SMYD3: variants seen among roughly 807,000 people sequenced by gnomAD.
SMYD3 encodes the protein SET and MYND domain containing 3, also known as histone-lysine N-methyltransferase SMYD3.
SMYD3 carries 36 observed loss-of-function variants against 57.7 expected under a neutral mutation model. The observed-to-expected ratio is 0.62, with a 90% CI of 0.48 to 0.82. The LOEUF (loss-of-function observed/expected upper bound fraction) is 0.82, where lower values mean the gene tolerates loss of function less well. Ranked by LOEUF, SMYD3 falls within the 40% of genes least tolerant of loss-of-function variation. The pLI, the probability that SMYD3 is intolerant of heterozygous loss-of-function variation, is 0.00. For missense variants in SMYD3, 515 were observed against 538.8 expected, an observed-to-expected ratio of 0.96 and a Z score of 0.44; for synonymous variants, 211 against 195.0, an observed-to-expected ratio of 1.08 and a Z score of -0.68.
At chr1:245,793,142 T>C (rs964924174) in intron 10 of SMYD3, among the ~76,000 whole-genome samples, 5 of 147,486 alleles carry the variant, frequency 3.4e-5, no homozygotes, top group Non-Finnish European at 7.4e-5. Context: ...ACCCCGTCTC[T>C]ACTAAAAATA....
intron 8 of SMYD3, among the ~76,000 whole-genome samples, chr1:245,869,824 C>T (rs1053674741): frequency 6.6e-6 from 1 of 152,180 alleles, no homozygotes; most frequent in African/African-American, 2.4e-5. Flanking sequence ...GCTGTTTCCT[C>T]GGCTCACCAC....
intron 5 of SMYD3, among the ~76,000 whole-genome samples, chr1:246,218,008 TAAAAAC>T (rs1033829814): frequency 6.6e-6 from 1 of 151,268 alleles, no homozygotes; most frequent in African/African-American, 2.4e-5. Flanking sequence ...GTGTAACAGT[TAAAAAC>T]AGAAAATAAA....
At chr1:245,810,592 T>C (rs1340643008) in intron 10 of SMYD3, among the ~76,000 whole-genome samples, 1 of 152,098 alleles carries the variant, frequency 6.6e-6, no homozygotes, top group Non-Finnish European at 1.5e-5. Flanking sequence ...TGGGGAGTGA[T>C]TCAAGAACTG....
chr1:246,292,096 T>A (rs945702782), intron 5 of SMYD3, among the ~76,000 whole-genome samples: 6 of 151,012 alleles, frequency 4.0e-5, no homozygotes, highest in Non-Finnish European at 5.9e-5. Flanking sequence ...AGACTTACTA[T>A]CCAACACACA....
rs192164147 is a variant in SMYD3, at chr1:246,151,810, C to T, written c.531+175391G>A. ...AGGATTCAGGCGTATGTAGGCCTGTCTGGCATTCTACTAGGCCTGCTTTCC... is the reference window on the plus strand; with the variant it reads ...AGGATTCAGGCGTATGTAGGCCTGTTTGGCATTCTACTAGGCCTGCTTTCC... On this transcript the variant is annotated intron_variant, in intron 5 of 11. Coordinates refer to ENST00000490107, the MANE Select transcript of SMYD3 (RefSeq NM_001167740.2). 9.2e-4 allele frequency among the ~76,000 whole-genome samples: 140 copies of T among 152,336 alleles called. 1 individual carries two copies. Among genetic ancestry groups the T allele is most frequent in the African/African-American group, 3.0e-3 (124 of 41,568 alleles).
At chr1:246,335,314 G>T (rs921390500) in intron 3 of SMYD3, 53 bp downstream of exon 3, 171 of 1,466,596 alleles carry the variant, frequency 1.2e-4, no homozygotes, top group Non-Finnish European at 1.6e-4. Flanking sequence ...AAATGCAATT[G>T]CATATGTTTA....
rs150720133 is a variant in SMYD3 at position 246,100,613 on chromosome 1, C to T, written c.532-170676G>A. On this transcript the variant is annotated intron_variant, in intron 5 of 11. Coordinates refer to ENST00000490107, the MANE Select transcript of SMYD3 (RefSeq NM_001167740.2). Reference sequence around the variant, plus strand: ...TTCCAAGTCCAAGCTTGTCACCATCCTCCCAAGACAGAAGATATTCACCCT... The same window carrying T: ...TTCCAAGTCCAAGCTTGTCACCATCTTCCCAAGACAGAAGATATTCACCCT... Among the ~76,000 whole-genome samples the T allele has an allele frequency of 2.0e-5, 3 of 152,330 alleles. No homozygotes were observed. In the East Asian group the frequency reaches 5.8e-4, roughly 29 times the overall value.
At chr1:246,237,168 C>T (rs1197551545) in intron 5 of SMYD3, among the ~76,000 whole-genome samples, 1 of 152,132 alleles carries the variant, frequency 6.6e-6, no homozygotes, top group East Asian at 1.9e-4. Context: ...ATTTGGCAGA[C>T]AGGTTCTCTG....
chr1:246,190,033 A>G (rs2062706831), intron 5 of SMYD3, among the ~76,000 whole-genome samples: 1 of 152,222 alleles, frequency 6.6e-6, no homozygotes, highest in African/African-American at 2.4e-5. Context: ...CCAGATTATT[A>G]AATTCACCTC....
intron 5 of SMYD3, among the ~76,000 whole-genome samples, chr1:246,105,622 A>G (rs979854994): frequency 1.3e-5 from 2 of 152,234 alleles, no homozygotes; most frequent in Non-Finnish European, 2.9e-5. Context: ...TGTAGAAAGA[A>G]TAACACAGAC....
chr1:246,319,221 C>G (rs1355945570), intron 5 of SMYD3, among the ~76,000 whole-genome samples: 1 of 152,130 alleles, frequency 6.6e-6, no homozygotes, highest in Non-Finnish European at 1.5e-5. Context: ...AGCTGTTTGC[C>G]TGCTTTACTT....
At chr1:246,481,593 C>CATATATATATATATATATATATAT (rs1200097586) in intron 1 of SMYD3, among the ~76,000 whole-genome samples, 922 of 27,762 alleles carry the variant, frequency 0.033, 77 homozygotes, top group African/African-American at 0.05. Flanking sequence ...TCTCAGGCTC[C>CATATATATATATATATATATATAT]ATATATATAT....
intron 5 of SMYD3, among the ~76,000 whole-genome samples, chr1:246,010,023 A>G (rs1228371381): frequency 4.1e-5 from 1 of 24,270 alleles, no homozygotes; most frequent in Non-Finnish European, 8.9e-5. Context: ...CCCAGGGGGC[A>G]GAGGTCACAG....
chr1:246,434,657 C>A (rs527274705), intron 1 of SMYD3, among the ~76,000 whole-genome samples: 1 of 152,212 alleles, frequency 6.6e-6, no homozygotes, highest in African/African-American at 2.4e-5. Flanking sequence ...CAGATGCTGG[C>A]GAGGCTGCAG....
At chr1:246,101,081 T>TTG (rs2061005779) in intron 5 of SMYD3, among the ~76,000 whole-genome samples, 1 of 123,710 alleles carries the variant, frequency 8.1e-6, no homozygotes, top group Admixed American at 8.1e-5. Flanking sequence ...GTTTTTTTTT[T>TTG]TTTTTTTTTT....
rs74785298 is a variant in SMYD3 at position 245,845,574 on chromosome 1, A to T, written c.1076+12922T>A. Among the ~76,000 whole-genome samples, 449 of 152,090 alleles carry T rather than the reference A, an allele frequency of 3.0e-3. 6 individuals carry two copies. The East Asian group carries it at 0.045, about 15-fold the overall frequency. On this transcript the variant is annotated intron_variant, in intron 10 of 11. Coordinates refer to ENST00000490107, the MANE Select transcript of SMYD3 (RefSeq NM_001167740.2). ...GTAGGACCTCAGCTGCTTTCTAGAG[A>T]TCCATCTTTTCCTTTTCCAGCTCTC... is the stretch of plus-strand genomic sequence containing the variant.
intron 5 of SMYD3, among the ~76,000 whole-genome samples, chr1:246,216,377 C>T (rs1004349526): frequency 9.9e-5 from 15 of 151,442 alleles, no homozygotes; most frequent in Non-Finnish European, 2.9e-5. Context: ...ACCCCAACAA[C>T]CCAGATAGAC....
chr1:245,771,045 T>C lies in SMYD3; in HGVS notation c.1077-6896A>G, dbSNP rs567160629. 1.1e-4 allele frequency among the ~76,000 whole-genome samples: 16 copies of C among 151,130 alleles called. 1 individual carries two copies. The Middle Eastern group carries it at 0.014, about 129-fold the overall frequency. On this transcript the variant is annotated intron_variant, in intron 10 of 11. Coordinates refer to ENST00000490107, the MANE Select transcript of SMYD3 (RefSeq NM_001167740.2). Reference sequence around the variant, plus strand: ...GAGAATGGGGCAGAAGCTATATATATACACACACACACACATACACACATA... The same window carrying C: ...GAGAATGGGGCAGAAGCTATATATACACACACACACACACATACACACATA...
chr1:245,929,823 G>T, intron 6 of SMYD3, 47 bp downstream of exon 6: 2 of 1,459,552 alleles, frequency 1.4e-6, no homozygotes, highest in South Asian at 1.1e-5. Context: ...GGATTTGGGT[G>T]GGAATGAAAG....
Sources: allele counts gnomAD v4.1 joint callset (sites outside exome capture counted in the v4.1 genomes callset), GRCh38; gene constraint gnomAD v4.1.1; transcripts MANE v1.5; gene names NCBI Gene and HGNC (gene_info 2026-07-23, HGNC 2026-07-21).